The following KCNN2 variants were observed in gnomAD, a reference collection of about 807,000 sequenced individuals.
The protein encoded by KCNN2 is small conductance calcium-activated potassium channel protein 2.
In KCNN2, 24 loss-of-function variants were observed where a neutral mutation model predicts 55.5. The ratio of observed to expected loss-of-function variants is 0.43; its 90% confidence interval spans 0.31 to 0.61. The LOEUF is 0.61. Among genes scored for constraint, KCNN2 ranks in the 20% least tolerant of loss-of-function variants. The probability of loss-of-function intolerance (pLI) is 0.08; values close to 1 mark genes in which losing one functional copy is unlikely to be tolerated. For missense variants in KCNN2, 754 were observed against 853.6 expected, an observed-to-expected ratio of 0.88 and a Z score of 1.45; for synonymous variants, 431 against 336.1, an observed-to-expected ratio of 1.28 and a Z score of -3.09.
At chr5:114,391,372 T>C (rs1363535887) in intron 2 of KCNN2, among the ~76,000 whole-genome samples, 5 of 152,148 alleles carry the variant, frequency 3.3e-5, no homozygotes, top group African/African-American at 4.8e-5. Context: ...GTAAGGTTGA[T>C]ATTATTTTTA....
chr5:114,444,883 C>A (rs1288382618), intron 3 of KCNN2, among the ~76,000 whole-genome samples: 1 of 152,118 alleles, frequency 6.6e-6, no homozygotes, highest in East Asian at 1.9e-4. Context: ...CACTCAAATA[C>A]CCCCTGAAAA....
chr5:114,099,947 A>T (rs954923716), intron 1 of KCNN2, among the ~76,000 whole-genome samples: 4 of 152,002 alleles, frequency 2.6e-5, no homozygotes, highest in African/African-American at 9.7e-5. Context: ...CTTTTGTATG[A>T]ACTCCATAGG....
At chr5:114,116,303 AG>A (rs1751707361) in intron 1 of KCNN2, among the ~76,000 whole-genome samples, 2 of 152,170 alleles carry the variant, frequency 1.3e-5, no homozygotes, top group South Asian at 4.1e-4. Flanking sequence ...AGAGAGGCAA[AG>A]GGAGAATTTT....
intron 1 of KCNN2, among the ~76,000 whole-genome samples, chr5:114,215,264 A>G (rs1232088550): frequency 6.6e-6 from 1 of 152,172 alleles, no homozygotes; most frequent in Non-Finnish European, 1.5e-5. Flanking sequence ...CTCAGGATAG[A>G]AGCCATAATC....
intron 3 of KCNN2, among the ~76,000 whole-genome samples, chr5:114,450,509 G>T (rs1374102658): frequency 1.3e-5 from 2 of 152,190 alleles, no homozygotes; most frequent in Non-Finnish European, 2.9e-5. Context: ...TTAAAACATT[G>T]TTCTGGATTT....
intron 1 of KCNN2, among the ~76,000 whole-genome samples, chr5:114,168,206 C>A (rs1319501625): frequency 6.7e-6 from 1 of 148,378 alleles, no homozygotes; most frequent in Non-Finnish European, 1.5e-5. Context: ...CACACAACAT[C>A]TAGGTAGTAT....
intron 1 of KCNN2, among the ~76,000 whole-genome samples, chr5:114,160,375 G>C (rs1217904455): frequency 6.6e-6 from 1 of 152,146 alleles, no homozygotes; most frequent in African/African-American, 2.4e-5. Context: ...GAGACAGTTT[G>C]TTATAATTTC....
At chr5:114,309,608 GTCAT>G (rs1395439972) in intron 2 of KCNN2, among the ~76,000 whole-genome samples, 1 of 152,192 alleles carries the variant, frequency 6.6e-6, no homozygotes, top group African/African-American at 2.4e-5. Context: ...GGCAGATAAA[GTCAT>G]TAATTCATTT....
chr5:114,161,467 A>C (rs1752780393), intron 1 of KCNN2, among the ~76,000 whole-genome samples: 1 of 150,590 alleles, frequency 6.6e-6, no homozygotes. Flanking sequence ...GGTGAATCTG[A>C]CAATTATGTG....
intron 2 of KCNN2, among the ~76,000 whole-genome samples, chr5:114,369,696 T>C (rs1757707803): frequency 6.6e-6 from 1 of 152,144 alleles, no homozygotes; most frequent in African/African-American, 2.4e-5. Flanking sequence ...AGTAACGAAA[T>C]CACTCAGGAC....
chr5:114,285,863 A>G (rs942316168), intron 2 of KCNN2, among the ~76,000 whole-genome samples: 3 of 152,048 alleles, frequency 2.0e-5, no homozygotes, highest in Admixed American at 2.0e-4. Context: ...AATTAGCTGC[A>G]GACAGAAATG....
intron 1 of KCNN2, among the ~76,000 whole-genome samples, chr5:114,133,387 T>C (rs1342928550): frequency 6.6e-6 from 1 of 152,238 alleles, no homozygotes; most frequent in Non-Finnish European, 1.5e-5. Flanking sequence ...GTAGTTGTAA[T>C]TTTTCTTTGC....
chr5:114,144,737 C>A (rs180898633), intron 1 of KCNN2, among the ~76,000 whole-genome samples: 34 of 145,522 alleles, frequency 2.3e-4, no homozygotes, highest in African/African-American at 8.2e-4. Context: ...TTTAACACAA[C>A]TTTTAAGTAG....
chr5:114,096,811 A>G (rs1333638250), intron 1 of KCNN2, among the ~76,000 whole-genome samples: 2 of 152,228 alleles, frequency 1.3e-5, no homozygotes, highest in Non-Finnish European at 2.9e-5. Flanking sequence ...AACAAAGGAA[A>G]GATGGCTCAA....
rs552127721 is a variant in KCNN2, at chr5:114,363,789, C to T, written c.1123-117C>T. 37 of 714,936 alleles carry T rather than the reference C, an allele frequency of 5.2e-5. 1 individual carries two copies. The Admixed American group carries it at 7.1e-4, about 14-fold the overall frequency. The allele number at this position is 714,936 out of a possible 1,614,324, so 44.3% of individuals were successfully genotyped here. A position where few individuals can be genotyped will look rare whatever the true frequency, so the allele number is the denominator to read the frequency against. ...GCCAAGACAGGTGCACCCCTCTCCC[C>T]TTATCTTCCTTCTGTGAGTTCAGGT... On this transcript the variant is annotated intron_variant, in intron 1 of 7. Coordinates refer to ENST00000673685, the MANE Select transcript of KCNN2 (RefSeq NM_021614.4).
rs181814380 is a variant in KCNN2, at chr5:114,166,766, A to T, written c.-270-54714A>T. 3.5e-3 allele frequency among the ~76,000 whole-genome samples: 537 copies of T among 152,218 alleles called. 4 individuals carry two copies. Among genetic ancestry groups the T allele is most frequent in the Middle Eastern group, 6.8e-3 (2 of 294 alleles). On this transcript the variant is annotated intron_variant, in intron 1 of 10. Transcript: ENST00000512097. The stretch of plus-strand genomic sequence containing the variant: ...TTCATATGTTGAAATCCCAACCCGT[A>T]ATATGATGGTATTAGGGGGGTAGGG...
chr5:114,115,549 G>C (rs1259945691), intron 1 of KCNN2, among the ~76,000 whole-genome samples: 1 of 152,098 alleles, frequency 6.6e-6, no homozygotes, highest in Non-Finnish European at 1.5e-5. Flanking sequence ...AGTGATGATA[G>C]GGAAATGTCA....
intron 3 of KCNN2, among the ~76,000 whole-genome samples, chr5:114,423,383 T>C (rs988972508): frequency 3.3e-5 from 5 of 152,162 alleles, no homozygotes; most frequent in African/African-American, 9.7e-5. Flanking sequence ...TGGTACGATA[T>C]GAGCCTAAAT....
intron 1 of KCNN2, among the ~76,000 whole-genome samples, chr5:114,210,452 T>C (rs913309133): frequency 8.5e-5 from 13 of 152,140 alleles, no homozygotes; most frequent in African/African-American, 3.1e-4. Flanking sequence ...ATGGAGAGTT[T>C]ATGAAATATA....
Sources: gnomAD v4.1 joint callset for allele counts (sites outside exome capture counted in the v4.1 genomes callset) on GRCh38, gnomAD v4.1.1 for gene constraint, MANE v1.5 for transcripts, NCBI Gene and HGNC (gene_info 2026-07-23, HGNC 2026-07-21) for gene names.